The following NLGN4Y variants were observed in gnomAD, a reference collection of about 807,000 sequenced individuals.
NLGN4Y encodes neuroligin 4 Y-linked, also known as neuroligin-4, Y-linked.
A neutral mutation model predicts 8.4 loss-of-function variants in NLGN4Y; 4 were observed. That is an observed-to-expected ratio of 0.48 (90% CI 0.23 to 1.09). The LOEUF (loss-of-function observed/expected upper bound fraction) is 1.09, where lower values mean the gene tolerates loss of function less well. Ranked by LOEUF, NLGN4Y falls within the 50% of genes least tolerant of loss-of-function variation. NLGN4Y has a pLI of 0.19. For synonymous variants in NLGN4Y, 35 were observed against 75.6 expected, an observed-to-expected ratio of 0.46 and a Z score of 2.78; for missense variants, 90 against 192.3, an observed-to-expected ratio of 0.47 and a Z score of 3.15.
chrY:14,576,192 G>T (rs2150483582), intron 1 of NLGN4Y, among the ~76,000 whole-genome samples: 1 of 34,042 alleles, frequency 2.9e-5, no homozygotes, highest in African/African-American at 1.1e-4. Flanking sequence ...CAGGGGTGGA[G>T]TCTGCAGAGA....
chrY:14,790,190 A>G lies in NLGN4Y; in HGVS notation c.686-33998A>G, dbSNP rs200559327. Among the ~76,000 whole-genome samples the G allele has an allele frequency of 2.0e-3, 68 of 33,835 alleles. No homozygotes were observed. The East Asian group carries it at 0.049, about 25-fold the overall frequency. The allele number at this position is 33,835 out of a possible 37,273, so 90.8% of individuals were successfully genotyped here. On this transcript the variant is annotated intron_variant, in intron 4 of 6. Coordinates refer to ENST00000684976, the MANE Select transcript of NLGN4Y (RefSeq NM_001365588.1). Reference sequence around the variant, plus strand: ...CTTAATGACGTATGCATATTTTTATAAGACAGAAATATGGAAAGATACGAG... The same window carrying G: ...CTTAATGACGTATGCATATTTTTATGAGACAGAAATATGGAAAGATACGAG...
chrY:14,662,246 C>A (rs959372372), intron 2 of NLGN4Y, among the ~76,000 whole-genome samples: 2 of 33,010 alleles, frequency 6.1e-5, no homozygotes, highest in Non-Finnish European at 1.5e-4. Flanking sequence ...ATGTGAAGAA[C>A]CTATCTATTT....
chrY:14,640,161 G>T, intron 2 of NLGN4Y: 1 of 118,957 alleles, frequency 8.4e-6, no homozygotes, highest in East Asian at 2.5e-4. Context: ...GTTTGAAACC[G>T]CAAGCTGCAC....
At chrY:14,704,931 T>A (rs2080870800) in intron 2 of NLGN4Y, among the ~76,000 whole-genome samples, 1 of 33,471 alleles carries the variant, frequency 3.0e-5, no homozygotes, top group African/African-American at 1.2e-4. Context: ...TCTTGTAGAT[T>A]TTCTAGTTTG....
At chrY:14,814,506 A>G (rs983876720) in intron 4 of NLGN4Y, among the ~76,000 whole-genome samples, 2 of 33,455 alleles carry the variant, frequency 6.0e-5, no homozygotes, top group African/African-American at 1.2e-4. Context: ...AATGCAAGTA[A>G]TAGCAAGATG....
At chrY:14,743,951 G>A (rs2081017026) in intron 4 of NLGN4Y, among the ~76,000 whole-genome samples, 1 of 33,094 alleles carries the variant, frequency 3.0e-5, no homozygotes, top group Non-Finnish European at 7.5e-5. Context: ...TGACTAAGCT[G>A]GATATCACTT....
At chrY:14,570,977 T>A in intron 1 of NLGN4Y, among the ~76,000 whole-genome samples, 1 of 32,991 alleles carries the variant, frequency 3.0e-5, no homozygotes, top group Non-Finnish European at 7.4e-5. Flanking sequence ...TGCGCCACAT[T>A]TTCTTAATCC....
chrY:14,587,182 G>A lies in NLGN4Y; in HGVS notation c.-111-34827G>A, dbSNP rs752315544. Among the ~76,000 whole-genome samples the A allele has an allele frequency of 2.0e-4, 7 of 34,467 alleles. No homozygotes were observed. In the South Asian group the frequency reaches 4.4e-3, roughly 22 times the overall value. The allele number at this position is 34,467 out of a possible 37,273, so 92.5% of individuals were successfully genotyped here. The stretch of plus-strand genomic sequence containing the variant: ...TTATCTCTGTCCATCAGATACAGCA[G>A]TGAGAAACCCTTTTATAGGAAATGG... On this transcript the variant is annotated intron_variant, in intron 1 of 6. Transcript: ENST00000684976.
At chrY:14,810,051 T>G in intron 4 of NLGN4Y, among the ~76,000 whole-genome samples, 1 of 33,236 alleles carries the variant, frequency 3.0e-5, no homozygotes, top group Non-Finnish European at 7.4e-5. Flanking sequence ...AGTGCAGAAA[T>G]TCAGAGAAAG....
rs1223489666 is a variant in NLGN4Y at position 14,843,483 on chromosome Y, A to G, written c.*2221A>G. On this transcript the variant is annotated 3_prime_UTR_variant, in exon 7 of 7. Transcript: ENST00000684976. ...ATCCATGCTGGTTTTGTCTGTCTAT[A>G]ATATGAATTCAAGTATCTGTTCATA... 2 of 121,697 alleles carry G rather than the reference A, an allele frequency of 1.6e-5. No homozygotes were observed. Among genetic ancestry groups the G allele is most frequent in the Non-Finnish European group, 3.6e-5 (2 of 56,194 alleles). 30.4% of individuals were successfully genotyped at this position (121,697 alleles called of 400,897 possible).
intron 2 of NLGN4Y, among the ~76,000 whole-genome samples, chrY:14,665,026 T>C: frequency 3.0e-5 from 1 of 33,546 alleles, no homozygotes; most frequent in African/African-American, 1.2e-4. Context: ...TTCAGAGCCA[T>C]TTTAGTGCTC....
chrY:14,575,132 G>T (rs2080292330), intron 1 of NLGN4Y, among the ~76,000 whole-genome samples: 1 of 32,857 alleles, frequency 3.0e-5, no homozygotes, highest in Non-Finnish European at 7.4e-5. Context: ...TTGAATATTG[G>T]CCTGCCTTGC....
At chrY:14,673,923 A>G (rs1603502551) in intron 2 of NLGN4Y, among the ~76,000 whole-genome samples, 1 of 31,696 alleles carries the variant, frequency 3.2e-5, no homozygotes, top group Non-Finnish European at 7.6e-5. Context: ...GTAAACTATC[A>G]CAAGAACAAA....
At chrY:14,795,749 G>A (rs954037178) in intron 4 of NLGN4Y, among the ~76,000 whole-genome samples, 3 of 33,417 alleles carry the variant, frequency 9.0e-5, no homozygotes, top group Non-Finnish European at 2.2e-4. Flanking sequence ...ATGTTTGCCT[G>A]TATCTGTCTG....
intron 1 of NLGN4Y, among the ~76,000 whole-genome samples, chrY:14,614,360 C>A: frequency 3.1e-5 from 1 of 32,476 alleles, no homozygotes; most frequent in African/African-American, 1.2e-4. Context: ...GGGTAGATTG[C>A]AACAATTTTC....
chrY:14,598,956 G>C (rs2150497241), intron 1 of NLGN4Y, among the ~76,000 whole-genome samples: 1 of 24,989 alleles, frequency 4.0e-5, no homozygotes, highest in Admixed American at 4.1e-4. Context: ...GTGTGTGTCT[G>C]TGTGTGTAAA....
intron 1 of NLGN4Y, among the ~76,000 whole-genome samples, chrY:14,574,430 G>C: frequency 3.1e-5 from 1 of 32,734 alleles, no homozygotes; most frequent in Non-Finnish European, 7.5e-5. Flanking sequence ...GGCTTTTTTT[G>C]TTTTCCATTT....
Position 14,838,223 on chromosome Y carries a change from TAG to T in NLGN4Y, c.1662-2188_1662-2187del, listed in dbSNP as rs1569380545. Among the ~76,000 whole-genome samples, 88 of 33,655 alleles carry T rather than the reference TAG, an allele frequency of 2.6e-3. No homozygotes were observed. The East Asian group carries it at 0.068, about 26-fold the overall frequency. The allele number at this position is 33,655 out of a possible 37,273, so 90.3% of individuals were successfully genotyped here. ...TGTATGCATAACAAATAAAAAGCAG[TAG>T]ACTTTTCAAATATATTTTTTATGAA... On this transcript the variant is annotated intron_variant, in intron 6 of 6. Transcript: ENST00000684976.
chrY:14,841,887 G>A lies in NLGN4Y; in HGVS notation c.*625G>A. The A allele has an allele frequency of 8.2e-6, 1 of 121,593 alleles. No homozygotes were observed. Among genetic ancestry groups the A allele is most frequent in the Non-Finnish European group, 1.8e-5 (1 of 56,162 alleles). 30.3% of individuals were successfully genotyped at this position (121,593 alleles called of 400,897 possible). A position where few individuals can be genotyped will look rare whatever the true frequency, so the allele number is the denominator to read the frequency against. On this transcript the variant is annotated 3_prime_UTR_variant, in exon 7 of 7. Coordinates refer to ENST00000684976, the MANE Select transcript of NLGN4Y (RefSeq NM_001365588.1). ...AAAAAATAAAAATGTATATAGCTGT[G>A]AGCTCAAACAAAAACTGCAGACAAA...
Sources: gnomAD v4.1 joint callset for allele counts (sites outside exome capture counted in the v4.1 genomes callset) on GRCh38, gnomAD v4.1.1 for gene constraint, MANE v1.5 for transcripts, NCBI Gene and HGNC (gene_info 2026-07-23, HGNC 2026-07-21) for gene names.